The following ATP9A variants were observed in gnomAD, a reference collection of about 807,000 sequenced individuals.
ATP9A encodes probable phospholipid-transporting ATPase IIA.
In ATP9A, 52 loss-of-function variants were observed where a neutral mutation model predicts 144.1. The observed-to-expected ratio is 0.36, with a 90% CI of 0.29 to 0.45. The LOEUF is 0.45. ATP9A is among the 20% of genes least tolerant of loss of function. The probability of loss-of-function intolerance (pLI) is 1.00; values close to 1 mark genes in which losing one functional copy is unlikely to be tolerated. For synonymous variants in ATP9A, 582 were observed against 557.4 expected (o/e 1.04, Z -0.62); for missense variants, 947 against 1,392.7 (o/e 0.68, Z 5.09).
intron 1 of ATP9A, among the ~76,000 whole-genome samples, 186 bp from the exon 2 acceptor site, chr20:51,730,164 C>G (rs1223337151): frequency 6.6e-6 from 1 of 152,088 alleles, no homozygotes; most frequent in Non-Finnish European, 1.5e-5. Flanking sequence ...AAGCTGTGGT[C>G]CAAATAAAAG....
At chr20:51,629,109 G>A (rs1242873270) in intron 15 of ATP9A, 37 bp from the exon 16 acceptor site, 1 of 1,545,142 alleles carries the variant, frequency 6.5e-7, no homozygotes, top group Non-Finnish European at 8.9e-7. Context: ...GAAACTGAAA[G>A]GAACACCCTC....
chr20:51,738,310 C>T (rs1021423803), intron 1 of ATP9A, among the ~76,000 whole-genome samples: 2 of 152,110 alleles, frequency 1.3e-5, no homozygotes, highest in African/African-American at 4.8e-5. Context: ...GGATTACAGG[C>T]GCAAGCCATG....
At position 51,685,017 on chromosome 20, in the gene ATP9A, TAA is replaced by T. The variant is rs11325921; in HGVS notation, c.799+4045_799+4046del. ...CTGAGCGAGACTCCATCTCCAAAAA[TAA>T]AAAAAAAAAAAAAAAAAAAAATACA... On this transcript the variant is annotated intron_variant, in intron 9 of 27. Coordinates refer to ENST00000338821, the MANE Select transcript of ATP9A (RefSeq NM_006045.3). 0.011 allele frequency among the ~76,000 whole-genome samples: 1,527 copies of T among 139,880 alleles called. 39 individuals are homozygous for T. In the East Asian group the frequency reaches 0.13, roughly 12 times the overall value. The allele number at this position is 139,880 out of a possible 152,430, so 91.8% of individuals were successfully genotyped here.
At chr20:51,673,414 C>T (rs1000293317) in intron 11 of ATP9A, among the ~76,000 whole-genome samples, 2 of 152,104 alleles carry the variant, frequency 1.3e-5, no homozygotes, top group Non-Finnish European at 2.9e-5. Context: ...ATTCAACCTC[C>T]AAATCAGGTA....
chr20:51,638,121 A>ATATATC (rs2077302889), intron 15 of ATP9A, among the ~76,000 whole-genome samples: 9 of 103,000 alleles, frequency 8.7e-5, no homozygotes, highest in Non-Finnish European at 1.3e-4. Context: ...ATATATATAT[A>ATATATC]TATCTCATAG....
chr20:51,694,674 A>G (rs1475008863), intron 6 of ATP9A, among the ~76,000 whole-genome samples: 1 of 152,188 alleles, frequency 6.6e-6, no homozygotes, highest in Non-Finnish European at 1.5e-5. Context: ...AACAGGACTG[A>G]TCGATCCAGG....
chr20:51,753,116 A>C (rs2077839750), intron 1 of ATP9A, among the ~76,000 whole-genome samples: 1 of 152,100 alleles, frequency 6.6e-6, no homozygotes, highest in Admixed American at 6.6e-5. Flanking sequence ...AAAAAAAAGA[A>C]AGAAAGAAAG....
intron 21 of ATP9A, among the ~76,000 whole-genome samples, chr20:51,618,018 G>A (rs759905310): frequency 2.0e-5 from 3 of 152,126 alleles, no homozygotes; most frequent in Admixed American, 6.5e-5. Context: ...TCAGGAGTTC[G>A]AGACCAGCCT....
chr20:51,613,336 C>G (rs1239558758), intron 23 of ATP9A, among the ~76,000 whole-genome samples: 4 of 152,182 alleles, frequency 2.6e-5, no homozygotes, highest in Non-Finnish European at 4.4e-5. Context: ...TAAAATAACT[C>G]ATGTACACTC....
chr20:51,720,594 G>A (rs2077684474), intron 3 of ATP9A, among the ~76,000 whole-genome samples: 1 of 152,180 alleles, frequency 6.6e-6, no homozygotes, highest in African/African-American at 2.4e-5. Context: ...CCAGCTTTGG[G>A]AGGTCAAGGT....
chr20:51,601,736 T>A (rs2077143983), intron 27 of ATP9A, among the ~76,000 whole-genome samples: 1 of 151,988 alleles, frequency 6.6e-6, no homozygotes, highest in Non-Finnish European at 1.5e-5. Flanking sequence ...CAAAACCCTG[T>A]CTCTACAAAA....
intron 9 of ATP9A, among the ~76,000 whole-genome samples, chr20:51,683,405 C>T (rs1002307753): frequency 2.6e-5 from 4 of 151,826 alleles, no homozygotes; most frequent in African/African-American, 9.7e-5. Context: ...GCTGGGATTA[C>T]AGGCGCCCAC....
Position 51,631,009 on chromosome 20 carries a change from C to T in ATP9A, c.1669-1937G>A, listed in dbSNP as rs6021331. On this transcript the variant is annotated intron_variant, in intron 15 of 27. Coordinates refer to ENST00000338821, the MANE Select transcript of ATP9A (RefSeq NM_006045.3). ...GCCCAAAACTACACTTCTGTCTGTT[C>T]GGCTCCCCCAAAAACCACGCTTCTA... Among the ~76,000 whole-genome samples, 1,089 of 152,144 alleles carry T rather than the reference C, an allele frequency of 7.2e-3. 11 individuals carry two copies. The highest frequency in any genetic ancestry group is 0.025 in the African/African-American group (1,025 of 41,492).
chr20:51,663,795 GAAAA>G (rs56793951), intron 13 of ATP9A, among the ~76,000 whole-genome samples: 1 of 114,894 alleles, frequency 8.7e-6, no homozygotes. Context: ...CTCCGTCTCA[GAAAA>G]AAAAAAAAAA....
intron 7 of ATP9A, 68 bp downstream of exon 7, chr20:51,693,940 A>T: frequency 1.6e-6 from 2 of 1,242,526 alleles, no homozygotes; most frequent in Non-Finnish European, 2.2e-6. Flanking sequence ...CTGGCCCCCC[A>T]GGTATGAGTT....
intron 3 of ATP9A, among the ~76,000 whole-genome samples, chr20:51,723,330 A>T (rs1283331560): frequency 6.6e-6 from 1 of 152,002 alleles, no homozygotes; most frequent in Non-Finnish European, 1.5e-5. Flanking sequence ...AGTGTGCCAA[A>T]ATCTCACAAA....
At chr20:51,668,838 T>G (rs2077444462) in intron 13 of ATP9A, among the ~76,000 whole-genome samples, 2 of 152,192 alleles carry the variant, frequency 1.3e-5, no homozygotes, top group South Asian at 4.1e-4. Context: ...CACTGTCCCC[T>G]GCTCTGCCAT....
chr20:51,725,511 T>A (rs2077708305), intron 3 of ATP9A, among the ~76,000 whole-genome samples: 1 of 152,212 alleles, frequency 6.6e-6, no homozygotes, highest in Non-Finnish European at 1.5e-5. Flanking sequence ...CTCATTTACC[T>A]CTGTGTTCCC....
intron 7 of ATP9A, among the ~76,000 whole-genome samples, chr20:51,693,672 G>T (rs2077558200): frequency 6.6e-6 from 1 of 152,154 alleles, no homozygotes; most frequent in Non-Finnish European, 1.5e-5. Flanking sequence ...TGAGGAGCGG[G>T]GACTACAGGT....
Sources: allele counts gnomAD v4.1 joint callset (sites outside exome capture counted in the v4.1 genomes callset), GRCh38; gene constraint gnomAD v4.1.1; transcripts MANE v1.5; gene names NCBI Gene and HGNC (gene_info 2026-07-23, HGNC 2026-07-21).